Variants in KAT6B observed in about 807,000 individuals in gnomAD.
KAT6B encodes lysine acetyltransferase 6B.
Under a neutral mutation model 187.5 loss-of-function variants are expected in KAT6B, and 10 were observed. The ratio of observed to expected loss-of-function variants is 0.05; its 90% CI spans 0.03 to 0.09. The LOEUF is 0.09. Among genes scored for constraint, KAT6B ranks in the 10% least tolerant of loss-of-function variants. The pLI, the probability that KAT6B is intolerant of heterozygous loss-of-function variation, is 1.00. For missense variants in KAT6B, 1,952 were observed against 2,558.9 expected, an observed-to-expected ratio of 0.76 and a Z score of 5.12; for synonymous variants, 861 against 926.8, an observed-to-expected ratio of 0.93 and a Z score of 1.29.
intron 11 of KAT6B, chr10:74,982,895 TAC>T (rs1842601685): frequency 6.6e-6 from 1 of 152,248 alleles, no homozygotes; most frequent in Non-Finnish European, 1.5e-5. Context: ...TATTCTGCCT[TAC>T]AGTTCTCTTT....
rs370323472 is a variant in KAT6B, at chr10:75,024,966, T to C, written c.3381T>C (p.Phe1127=). The C allele has an allele frequency of 5.4e-5, 87 of 1,614,042 alleles. No homozygotes were observed. The highest frequency in any genetic ancestry group is 7.0e-5 in the Non-Finnish European group (83 of 1,180,000). The change falls in exon 17 of 18, where the codon TTT becomes TTC. Residue 1127 remains phenylalanine, a synonymous_variant. Coordinates refer to ENST00000287239, the MANE Select transcript of KAT6B (RefSeq NM_012330.4). The part of the protein sequence containing the change: ...QSVAIKRKRP[F]VLKKKRGRKR... ...TTTGGAATTAATTTCAGAGGCCTTTTGTACTAAAGAAGAAAAGGGGTCGTA... is the reference window on the plus strand; with the variant it reads ...TTTGGAATTAATTTCAGAGGCCTTTCGTACTAAAGAAGAAAAGGGGTCGTA...
intron 3 of KAT6B, among the ~76,000 whole-genome samples, chr10:74,880,417 T>G (rs1024227339): frequency 6.6e-6 from 1 of 152,258 alleles, no homozygotes; most frequent in Non-Finnish European, 1.5e-5. Flanking sequence ...ACTTCATTCT[T>G]TATAACTGCC....
intron 13 of KAT6B, among the ~76,000 whole-genome samples, chr10:75,011,115 C>G (rs187710568): frequency 1.4e-4 from 21 of 152,136 alleles, no homozygotes; most frequent in African/African-American, 4.8e-4. Flanking sequence ...AAAATGCTTT[C>G]TTTTAGTGAA....
rs188629312 is a variant in KAT6B, at chr10:75,005,917, C to T, written c.2630-14665C>T. ...GTGGATTAAAAGCAATTCAGTTTCA[C>T]ATGAACCATTTGTCCACATGGAAAT... On this transcript the variant is annotated intron_variant, in intron 13 of 17. Transcript: ENST00000287239. Among the ~76,000 whole-genome samples, 16 of 152,284 alleles carry T rather than the reference C, an allele frequency of 1.1e-4. No individual in the cohort carries two copies. The East Asian group carries it at 2.5e-3, about 24-fold the overall frequency.
At position 74,995,789 on chromosome 10, in the gene KAT6B, T is replaced by A. The variant is rs188974624; in HGVS notation, c.2629+6677T>A. ...GCAGTTTAAAAAGTAGTGTCATGAG[T>A]AATCTTGGGCATATTTTGACTGATA... On this transcript the variant is annotated intron_variant, in intron 13 of 17. Transcript: ENST00000287239. 2.6e-5 allele frequency among the ~76,000 whole-genome samples: 4 copies of A among 152,374 alleles called. No individual in the cohort carries two copies. In the East Asian group the frequency reaches 7.7e-4, roughly 29 times the overall value.
chr10:74,874,405 A>T (rs1844243173), intron 3 of KAT6B, among the ~76,000 whole-genome samples: 1 of 151,936 alleles, frequency 6.6e-6, no homozygotes, highest in South Asian at 2.1e-4. Flanking sequence ...TCCGAGACAG[A>T]GTCTTGCTCT....
At chr10:74,995,488 G>T (rs1385451387) in intron 13 of KAT6B, among the ~76,000 whole-genome samples, 2 of 152,016 alleles carry the variant, frequency 1.3e-5, no homozygotes, top group East Asian at 1.9e-4. Flanking sequence ...TTTCCTGCAG[G>T]TCTCCAATCT....
At chr10:74,842,133 G>A (rs141823889) in intron 2 of KAT6B, among the ~76,000 whole-genome samples, 281 of 152,254 alleles carry the variant, frequency 1.8e-3, no homozygotes, top group African/African-American at 6.6e-3. Context: ...GTTTTTTTAC[G>A]TATGAGACTT....
intron 3 of KAT6B, among the ~76,000 whole-genome samples, chr10:74,919,776 A>G (rs1348314311): frequency 6.6e-6 from 1 of 152,152 alleles, no homozygotes; most frequent in Admixed American, 6.5e-5. Context: ...TGTATGCTCT[A>G]TGCCTTTACC....
At chr10:75,011,372 G>GT (rs749647991) in intron 13 of KAT6B, among the ~76,000 whole-genome samples, 90 of 152,310 alleles carry the variant, frequency 5.9e-4, no homozygotes, top group Non-Finnish European at 8.7e-4. Context: ...ACCTTCCTCT[G>GT]CATGCCTTTC....
At chr10:74,829,161 T>C (rs1301475021) in intron 1 of KAT6B, among the ~76,000 whole-genome samples, 2 of 152,226 alleles carry the variant, frequency 1.3e-5, no homozygotes, top group African/African-American at 2.4e-5. Context: ...GTGGATATTA[T>C]GTCATTGCTA....
At chr10:74,944,264 G>A (rs1165054739) in intron 3 of KAT6B, among the ~76,000 whole-genome samples, 1 of 152,162 alleles carries the variant, frequency 6.6e-6, no homozygotes, top group Non-Finnish European at 1.5e-5. Flanking sequence ...CACTGGATAT[G>A]GCCCATGCTA....
intron 13 of KAT6B, among the ~76,000 whole-genome samples, chr10:74,989,511 A>T (rs1204606476): frequency 1.3e-5 from 2 of 152,246 alleles, no homozygotes; most frequent in Non-Finnish European, 2.9e-5. Context: ...GTACAGTACA[A>T]AGCAGAAAAG....
intron 13 of KAT6B, among the ~76,000 whole-genome samples, chr10:75,010,228 C>T (rs999239823): frequency 6.6e-6 from 1 of 152,090 alleles, no homozygotes; most frequent in African/African-American, 2.4e-5. Context: ...AAAAAATAAG[C>T]GAAAAGAAAA....
chr10:74,990,249 G>T (rs1051611139), intron 13 of KAT6B, among the ~76,000 whole-genome samples: 1 of 147,414 alleles, frequency 6.8e-6, no homozygotes, highest in Admixed American at 6.8e-5. Flanking sequence ...TAGGAACCAG[G>T]TGCTTCTTGA....
chr10:74,976,368 C>A (rs771639695), intron 8 of KAT6B, 38 bp downstream of exon 8: 12 of 1,541,162 alleles, frequency 7.8e-6, no homozygotes, highest in South Asian at 1.1e-5. Flanking sequence ...AACCTGCGTC[C>A]CGTCCCTTTC....
chr10:74,905,739 AT>A (rs1846712321), intron 3 of KAT6B, among the ~76,000 whole-genome samples: 2 of 152,154 alleles, frequency 1.3e-5, no homozygotes, highest in Admixed American at 6.5e-5. Flanking sequence ...AGGAGTTAGA[AT>A]TGTCTGGAAT....
intron 7 of KAT6B, among the ~76,000 whole-genome samples, chr10:74,974,695 C>T (rs1011331084): frequency 7.2e-5 from 11 of 152,190 alleles, no homozygotes; most frequent in Non-Finnish European, 1.5e-5. Flanking sequence ...TCACCAGACT[C>T]TCCATGTCAT....
At chr10:75,014,134 G>A (rs1275923888) in intron 13 of KAT6B, among the ~76,000 whole-genome samples, 1 of 152,030 alleles carries the variant, frequency 6.6e-6, no homozygotes, top group Non-Finnish European at 1.5e-5. Context: ...TTTCCAGAAT[G>A]TCATGACCTG....
Sources: gnomAD v4.1 joint callset for allele counts (sites outside exome capture counted in the v4.1 genomes callset) on GRCh38, gnomAD v4.1.1 for gene constraint, MANE v1.5 for transcripts, NCBI Gene and HGNC (gene_info 2026-07-23, HGNC 2026-07-21) for gene names.